FAM13C: variants seen among roughly 807,000 people sequenced by gnomAD.
FAM13C encodes family with sequence similarity 13 member C.
In FAM13C, 37 loss-of-function variants were observed where a neutral mutation model predicts 73.2. That is an observed-to-expected ratio of 0.51 (90% CI 0.39 to 0.67). The LOEUF (loss-of-function observed/expected upper bound fraction) is 0.67, where lower values mean the gene tolerates loss of function less well. Among genes scored for constraint, FAM13C ranks in the 30% least tolerant of loss-of-function variants. The pLI, the probability that FAM13C is intolerant of heterozygous loss-of-function variation, is 0.00. For synonymous variants in FAM13C, 246 were observed against 260.9 expected, an observed-to-expected ratio of 0.94 and a Z score of 0.55; for missense variants, 589 against 715.6, an observed-to-expected ratio of 0.82 and a Z score of 2.02.
intron 10 of FAM13C, among the ~76,000 whole-genome samples, chr10:59,259,810 A>T (rs1034929737): frequency 6.6e-6 from 1 of 152,144 alleles, no homozygotes; most frequent in Non-Finnish European, 1.5e-5. Context: ...TCTCATTTGC[A>T]TGTGTCTATT....
At chr10:59,349,219 C>T (rs1854708918) in intron 3 of FAM13C, among the ~76,000 whole-genome samples, 2 of 152,296 alleles carry the variant, frequency 1.3e-5, no homozygotes, top group Middle Eastern at 6.8e-3. Context: ...TAGATGGTTA[C>T]ATTTTCCTTC....
At position 59,247,712 on chromosome 10, in the gene FAM13C, G is replaced by C. The variant is rs745985465; in HGVS notation, c.1660C>G (p.Pro554Ala). 3 of 1,612,336 alleles carry C rather than the reference G, an allele frequency of 1.9e-6. No homozygotes were observed. Among genetic ancestry groups the C allele is most frequent in the South Asian group, 2.2e-5 (2 of 90,862 alleles). The change falls in exon 14 of 14, where the codon CCA (proline) becomes GCA (alanine). Residue 554 changes from proline to alanine, a missense_variant. Physicochemically the swap from Pro to Ala is conservative, Grantham distance 27. Transcript: ENST00000618804. The stretch of plus-strand genomic sequence containing the variant: ...TATTCATAATACTCATCTGCCATTG[G>C]TATCCTATCTTCCTTTTGTGGACTT... ...GRSPQKEDRI[P>A]MADEYYEYKH...
rs1851864900 is a variant in FAM13C at position 59,330,763 on chromosome 10, G to GCTAAGA, written c.325-6663_325-6658dup. On this transcript the variant is annotated intron_variant, in intron 3 of 13. Coordinates refer to ENST00000618804, the MANE Select transcript of FAM13C (RefSeq NM_198215.4). The stretch of plus-strand genomic sequence containing the variant: ...TCCAACTCTCCAATTGCAACACATT[G>GCTAAGA]CTAAGACTACAGAAGGCTCCAAACA... Among the ~76,000 whole-genome samples, 4 of 152,148 alleles carry GCTAAGA rather than the reference G, an allele frequency of 2.6e-5. No individual in the cohort carries two copies. The South Asian group carries it at 8.3e-4, about 32-fold the overall frequency.
Position 59,355,923 on chromosome 10 carries a change from G to T in FAM13C, c.83C>A (p.Ser28Tyr). Residue 28 changes from serine (S) to tyrosine (Y), a missense_variant, in exon 2 of 14, where the codon TCT becomes TAT. Transcript: ENST00000618804. ...GCAATCAGTCTGGTCTTCATGTAGA[G>T]AGACTGGATCTTCGTCACACCTGGA... is the stretch of plus-strand genomic sequence containing the variant. ...TVTECDEDPV[S>Y]LHEDQTDCSS... 1 of 1,614,046 alleles carries T rather than the reference G, an allele frequency of 6.2e-7. No homozygotes were observed. The highest frequency in any genetic ancestry group is 8.5e-7 in the Non-Finnish European group (1 of 1,179,932).
At position 59,308,438 on chromosome 10, in the gene FAM13C, TCATCAC is replaced by T. The variant is rs961433780; in HGVS notation, c.444-5580_444-5575del. ...ACTGCCATCACCTCCACAATCACCA[TCATCAC>T]CATCACCATCACCATTGCCACCATC... is the stretch of plus-strand genomic sequence containing the variant. On this transcript the variant is annotated intron_variant, in intron 4 of 13. Transcript: ENST00000618804. 4.4e-4 allele frequency among the ~76,000 whole-genome samples: 66 copies of T among 148,568 alleles called. No homozygotes were observed. The Middle Eastern group carries it at 0.011, about 24-fold the overall frequency.
rs536305573 is a variant in FAM13C, at chr10:59,352,486, A to C, written c.120-12T>G. Reference sequence around the variant, plus strand: ...TATTGTTTTCATCTCTAAAACAGGAAAGACCCAATTTAGAAAGTACCTTAA... The same window carrying C: ...TATTGTTTTCATCTCTAAAACAGGACAGACCCAATTTAGAAAGTACCTTAA... On this transcript the variant is annotated splice_polypyrimidine_tract_variant and intron_variant, in intron 2 of 13. Coordinates refer to ENST00000618804, the MANE Select transcript of FAM13C (RefSeq NM_198215.4). 1.9e-5 allele frequency: 30 copies of C among 1,590,472 alleles called. 1 individual carries two copies. The Admixed American group carries it at 4.3e-4, about 23-fold the overall frequency.
rs1350410014 is a variant in FAM13C, at chr10:59,265,318, T to G, written c.943-1152A>C. 3.5e-3 allele frequency among the ~76,000 whole-genome samples: 4 copies of G among 1,130 alleles called. 1 individual carries two copies. The highest frequency in any genetic ancestry group is 0.02 in the Admixed American group (1 of 50). The allele number at this position is 1,130 out of a possible 152,430, so 0.7% of individuals were successfully genotyped here. A position where few individuals can be genotyped will look rare whatever the true frequency, so the allele number is the denominator to read the frequency against. On this transcript the variant is annotated intron_variant, in intron 8 of 13. Transcript: ENST00000618804. ...ATGGCAGAGGGATAGGGAAGGGGTT[T>G]TGGCGGGGGGGGGGGGGAATCCTGG...
chr10:59,253,100 C>A, intron 11 of FAM13C, 102 bp from the exon 12 acceptor site: 1 of 1,146,264 alleles, frequency 8.7e-7, no homozygotes, highest in Non-Finnish European at 1.3e-6. Context: ...CCATGAAAAC[C>A]AGTAGGTGAC....
intron 5 of FAM13C, among the ~76,000 whole-genome samples, chr10:59,289,912 C>G (rs924141208): frequency 6.6e-6 from 1 of 152,100 alleles, no homozygotes; most frequent in Non-Finnish European, 1.5e-5. Flanking sequence ...ACTGCTAGTG[C>G]TTTTCCTGGT....
chr10:59,330,696 C>T (rs1214882608), intron 3 of FAM13C, among the ~76,000 whole-genome samples: 1 of 152,184 alleles, frequency 6.6e-6, no homozygotes, highest in African/African-American at 2.4e-5. Flanking sequence ...GGAATCCTTG[C>T]ATTTCTCCTG....
At chr10:59,265,303 G>A (rs1266259541) in intron 8 of FAM13C, among the ~76,000 whole-genome samples, 2 of 133,552 alleles carry the variant, frequency 1.5e-5, no homozygotes, top group African/African-American at 3.1e-5. Context: ...ATGGCAGAGG[G>A]ATAGGGAAGG....
intron 3 of FAM13C, among the ~76,000 whole-genome samples, chr10:59,344,551 G>A (rs1854039414): frequency 6.6e-6 from 1 of 152,004 alleles, no homozygotes; most frequent in African/African-American, 2.4e-5. Flanking sequence ...CAAAGTGCTG[G>A]GATTACAGGC....
intron 3 of FAM13C, among the ~76,000 whole-genome samples, chr10:59,336,598 G>A (rs189753252): frequency 7.2e-5 from 11 of 152,272 alleles, no homozygotes; most frequent in Non-Finnish European, 1.2e-4. Context: ...AAGGGAGGCT[G>A]GAAAAACAAA....
At chr10:59,325,866 G>A (rs1056788984) in intron 3 of FAM13C, among the ~76,000 whole-genome samples, 3 of 151,982 alleles carry the variant, frequency 2.0e-5, no homozygotes, top group African/African-American at 7.2e-5. Flanking sequence ...ACTTATTTTT[G>A]TGGTGGAATG....
intron 1 of FAM13C, among the ~76,000 whole-genome samples, chr10:59,360,853 G>GAAAA (rs10615623): frequency 3.4e-5 from 2 of 57,990 alleles, no homozygotes; most frequent in African/African-American, 5.0e-5. Flanking sequence ...AACCTCTACA[G>GAAAA]AAAAAAAAAA....
intron 1 of FAM13C, among the ~76,000 whole-genome samples, chr10:59,359,180 C>G (rs1393288707): frequency 6.6e-6 from 1 of 152,200 alleles, no homozygotes; most frequent in African/African-American, 2.4e-5. Flanking sequence ...TGAGAATGCT[C>G]CAAGGTAGGA....
intron 5 of FAM13C, among the ~76,000 whole-genome samples, chr10:59,292,496 C>T (rs1207965978): frequency 1.3e-5 from 2 of 152,242 alleles, no homozygotes; most frequent in African/African-American, 2.4e-5. Context: ...ATGATGCTGG[C>T]TCATAGGCCA....
At chr10:59,292,023 C>T (rs552554549) in intron 5 of FAM13C, among the ~76,000 whole-genome samples, 4 of 152,158 alleles carry the variant, frequency 2.6e-5, no homozygotes, top group African/African-American at 9.6e-5. Context: ...CTCCTGACCT[C>T]GTGGTCCGCC....
At chr10:59,277,165 T>C (rs1171418605) in intron 6 of FAM13C, among the ~76,000 whole-genome samples, 1 of 152,112 alleles carries the variant, frequency 6.6e-6, no homozygotes, top group Non-Finnish European at 1.5e-5. Flanking sequence ...AGCCAGCTAC[T>C]CCTAACAAAT....
Sources: gnomAD v4.1 joint callset for allele counts (sites outside exome capture counted in the v4.1 genomes callset) on GRCh38, gnomAD v4.1.1 for gene constraint, MANE v1.5 for transcripts, NCBI Gene and HGNC (gene_info 2026-07-23, HGNC 2026-07-21) for gene names.